The following FKBP1A variants were observed in gnomAD, a reference collection of about 807,000 sequenced individuals.
FKBP1A encodes the protein FKBP prolyl isomerase 1A, also known as peptidyl-prolyl cis-trans isomerase FKBP1A.
In FKBP1A, 5 loss-of-function variants were observed where a neutral mutation model predicts 14.2. That is an observed-to-expected ratio of 0.35 (90% CI 0.18 to 0.74). FKBP1A has a LOEUF of 0.74. Ranked by LOEUF, FKBP1A falls within the 30% of genes least tolerant of loss-of-function variation. The pLI is 0.56. For synonymous variants in FKBP1A, 42 were observed against 49.1 expected (o/e 0.86, Z 0.60); for missense variants, 53 against 138.8 (o/e 0.38, Z 3.10).
intron 2 of FKBP1A, among the ~76,000 whole-genome samples, chr20:1,376,549 G>A (rs148291539): frequency 2.0e-3 from 302 of 152,270 alleles, no homozygotes; most frequent in Admixed American, 4.8e-3. Flanking sequence ...TAGCAACTCT[G>A]TGGCCAGTGG....
At chr20:1,378,066 T>C (rs1302617512) in intron 2 of FKBP1A, 1 of 129,208 alleles carries the variant, frequency 7.7e-6, no homozygotes, top group Non-Finnish European at 1.7e-5. Flanking sequence ...GGGCACTACT[T>C]TACCTGCTGT....
chr20:1,373,637 G>A (rs191603268), intron 3 of FKBP1A, among the ~76,000 whole-genome samples: 1 of 152,302 alleles, frequency 6.6e-6, no homozygotes, highest in African/African-American at 2.4e-5. Context: ...GGGGAGTCAG[G>A]CATCTGTCCA....
rs188197494 is a variant in FKBP1A, at chr20:1,390,559, G to T, written c.85+2275C>A. On this transcript the variant is annotated intron_variant, in intron 2 of 4. Transcript: ENST00000400137. ...TCTTTTCCCTTCTTAGGACCCAGTG[G>T]GCTTCTGCCTTTGAAAACCCCTGGA... is the stretch of plus-strand genomic sequence containing the variant. Among the ~76,000 whole-genome samples the T allele has an allele frequency of 5.3e-5, 8 of 152,204 alleles. No individual in the cohort carries two copies. In the East Asian group the frequency reaches 7.7e-4, roughly 15 times the overall value.
rs868493010 is a variant in FKBP1A at position 1,387,375 on chromosome 20, G to C, written c.85+5459C>G. Among the ~76,000 whole-genome samples, 2 of 151,972 alleles carry C rather than the reference G, an allele frequency of 1.3e-5. 1 individual carries two copies. The highest frequency in any genetic ancestry group is 4.8e-5 in the African/African-American group (2 of 41,366). ...GAGCCAGCTTAAAGGGCTCCTACTG[G>C]CCAAATTTAGGATGATATTAGCATC... On this transcript the variant is annotated intron_variant, in intron 2 of 4. Transcript: ENST00000400137.
At chr20:1,380,001 G>A (rs959252713) in intron 2 of FKBP1A, among the ~76,000 whole-genome samples, 1 of 152,156 alleles carries the variant, frequency 6.6e-6, no homozygotes, top group African/African-American at 2.4e-5. Flanking sequence ...AACAGATAGT[G>A]AGAACTTCCA....
At chr20:1,388,332 GA>G (rs1004476888) in intron 2 of FKBP1A, among the ~76,000 whole-genome samples, 15 of 152,130 alleles carry the variant, frequency 9.9e-5, no homozygotes, top group Admixed American at 7.2e-4. Context: ...GAGTTATTAA[GA>G]AAAAAACAGC....
chr20:1,392,754 G>T, intron 2 of FKBP1A, 80 bp downstream of exon 2: 1 of 1,088,570 alleles, frequency 9.2e-7, no homozygotes. Flanking sequence ...CAGGCCCCGG[G>T]CCCCCAGGCC....
At chr20:1,371,958 T>C in intron 4 of FKBP1A, 118 bp downstream of exon 4, 2 of 1,463,714 alleles carry the variant, frequency 1.4e-6, no homozygotes, top group Non-Finnish European at 1.8e-6. Context: ...ACAGAAAGAA[T>C]GCAGGGGGAA....
chr20:1,392,979 G>A lies in FKBP1A; in HGVS notation c.20C>T (p.Thr7Ile), dbSNP rs1305783337. 7 of 1,489,268 alleles carry A rather than the reference G, an allele frequency of 4.7e-6. No homozygotes were observed. The highest frequency in any genetic ancestry group is 2.8e-5 in the Admixed American group (1 of 35,648). The allele number at this position is 1,489,268 out of a possible 1,614,324, so 92.3% of individuals were successfully genotyped here. MGVQVE[T>I]ISPGDGRTFP... is the part of the protein sequence containing the mutation. ...CTACTCACCGTCTCCTGGGGAGATGGTTTCCACCTGCACTCCCATGGCGGC... is the reference window on the plus strand; with the variant it reads ...CTACTCACCGTCTCCTGGGGAGATGATTTCCACCTGCACTCCCATGGCGGC... The change falls in exon 1 of 5, where the codon ACC becomes ATC. Residue 7 changes from threonine to isoleucine, a missense_variant. Thr to Ile is a moderately conservative substitution (Grantham distance 89). This residue lies in a region of FKBP1A where 18 missense variants were observed against 20.6 expected (regional missense o/e 0.87). Transcript: ENST00000400137.
At chr20:1,387,620 T>C in intron 2 of FKBP1A, among the ~76,000 whole-genome samples, 1 of 151,886 alleles carries the variant, frequency 6.6e-6, no homozygotes, top group East Asian at 1.9e-4. Flanking sequence ...CTAAGGAGGG[T>C]GGATCACTTG....
intron 2 of FKBP1A, among the ~76,000 whole-genome samples, chr20:1,388,332 G>GA (rs1004476888): frequency 2.0e-5 from 3 of 152,248 alleles, no homozygotes; most frequent in Non-Finnish European, 2.9e-5. Flanking sequence ...GAGTTATTAA[G>GA]AAAAAAACAG....
intron 1 of FKBP1A, 23 bp from the exon 2 acceptor site, chr20:1,392,904 G>C: frequency 6.5e-7 from 1 of 1,534,638 alleles, no homozygotes; most frequent in African/African-American, 1.4e-5. Flanking sequence ...AGACGGGCAT[G>C]CTGAGCCGAT....
chr20:1,388,064 TC>T (rs1185041001), intron 2 of FKBP1A, among the ~76,000 whole-genome samples: 1 of 152,154 alleles, frequency 6.6e-6, no homozygotes, highest in Non-Finnish European at 1.5e-5. Context: ...ACTCCACAGA[TC>T]ACTGCTAAAT....
At chr20:1,372,568 C>T (rs1268817590) in intron 3 of FKBP1A, among the ~76,000 whole-genome samples, 1 of 152,120 alleles carries the variant, frequency 6.6e-6, no homozygotes, top group Non-Finnish European at 1.5e-5. Context: ...CCACCTAGTC[C>T]CCTTCAGTGA....
chr20:1,370,764 C>T, intron 4 of FKBP1A: 1 of 985,352 alleles, frequency 1.0e-6, no homozygotes, highest in Non-Finnish European at 1.2e-6. Flanking sequence ...TTACAGAAAG[C>T]CTGTTCCCAA....
At chr20:1,389,857 C>T (rs950243954) in intron 2 of FKBP1A, among the ~76,000 whole-genome samples, 3 of 152,176 alleles carry the variant, frequency 2.0e-5, no homozygotes, top group African/African-American at 7.2e-5. Context: ...CTCCTAAAGG[C>T]ACTTACTTGG....
At chr20:1,385,303 C>A (rs1600337605) in intron 2 of FKBP1A, among the ~76,000 whole-genome samples, 1 of 152,144 alleles carries the variant, frequency 6.6e-6, no homozygotes, top group Admixed American at 6.5e-5. Flanking sequence ...GGCAGGAGAA[C>A]TGCTTGAACC....
rs1022676887 is a variant in FKBP1A, at chr20:1,375,433, T to TA, written c.198+57dup. 47 of 1,278,752 alleles carry TA rather than the reference T, an allele frequency of 3.7e-5. No homozygotes were observed. The East Asian group carries it at 4.7e-4, about 13-fold the overall frequency. 79.2% of individuals were successfully genotyped at this position (1,278,752 alleles called of 1,614,324 possible). ...TTGAACCGTATAAATATGCCACCTA[T>TA]AAAAAAATATAAAAGGTAAATACTA... On this transcript the variant is annotated intron_variant, in intron 3 of 4. Transcript: ENST00000400137.
chr20:1,382,163 A>G (rs554440804), intron 2 of FKBP1A, among the ~76,000 whole-genome samples: 1 of 152,320 alleles, frequency 6.6e-6, no homozygotes, highest in South Asian at 2.1e-4. Flanking sequence ...GCAGCAAGTC[A>G]AGTCTCAGCA....
Sources: gnomAD v4.1 joint callset for allele counts (sites outside exome capture counted in the v4.1 genomes callset) on GRCh38, gnomAD v4.1.1 for gene constraint, gnomAD v4.1.1 regional missense constraint, MANE v1.5 for transcripts, NCBI Gene and HGNC (gene_info 2026-07-23, HGNC 2026-07-21) for gene names.